SLC13A4: variants seen among roughly 807,000 people sequenced by gnomAD.
SLC13A4 encodes the protein Na(+)/sulfate cotransporter SUT-1.
Under a neutral mutation model 72.7 loss-of-function variants are expected in SLC13A4, and 28 were observed. That is an observed-to-expected ratio of 0.39 (90% CI 0.29 to 0.53). The LOEUF (loss-of-function observed/expected upper bound fraction) is 0.53. Ranked by LOEUF, SLC13A4 falls within the 20% of genes least tolerant of loss-of-function variation. The pLI, the probability that SLC13A4 is intolerant of heterozygous loss-of-function variation, is 0.78. For missense variants in SLC13A4, 653 were observed against 788.0 expected, an observed-to-expected ratio of 0.83 and a Z score of 2.05; for synonymous variants, 312 against 325.5, an observed-to-expected ratio of 0.96 and a Z score of 0.45.
At chr7:135,682,737 C>G (rs1453913652) in intron 15 of SLC13A4, among the ~76,000 whole-genome samples, 1 of 152,226 alleles carries the variant, frequency 6.6e-6, no homozygotes, top group Non-Finnish European at 1.5e-5. Context: ...AGTGCCCAAG[C>G]TGGGAATAGT....
chr7:135,718,010 T>C (rs571447046), intron 2 of SLC13A4, among the ~76,000 whole-genome samples: 389 of 152,006 alleles, frequency 2.6e-3, no homozygotes, highest in Middle Eastern at 0.024. Flanking sequence ...GGTCTCCAGC[T>C]TGCAAGTGGC....
Position 135,727,507 on chromosome 7 carries a change from T to C in SLC13A4, c.-11A>G. The C allele has an allele frequency of 6.5e-7, 1 of 1,548,282 alleles. No individual in the cohort carries two copies. The highest frequency in any genetic ancestry group is 8.7e-7 in the Non-Finnish European group (1 of 1,145,024). ...CTGCAGCAGGCCCATCGCGCCTCTG[T>C]CCTCTCCAGCTCGTCCTTGGACCCC... On this transcript the variant is annotated 5_prime_UTR_variant, in exon 1 of 16. Transcript: ENST00000682651.
rs1796505644 is a variant in SLC13A4 at position 135,719,805 on chromosome 7, G to GTGTGTGTGTGTGTGTGTGTA, written c.228+1589_228+1590insTACACACACACACACACACA. Among the ~76,000 whole-genome samples the GTGTGTGTGTGTGTGTGTGTA allele has an allele frequency of 6.4e-5, 7 of 109,006 alleles. No homozygotes were observed. In the South Asian group the frequency reaches 1.4e-3, roughly 22 times the overall value. The allele number at this position is 109,006 out of a possible 152,430, so 71.5% of individuals were successfully genotyped here. On this transcript the variant is annotated intron_variant, in intron 2 of 15. Coordinates refer to ENST00000682651, the MANE Select transcript of SLC13A4 (RefSeq NM_001318192.2). ...CATGTGTGTGTGTGTGTGTGTGTAT[G>GTGTGTGTGTGTGTGTGTGTA]TGTGTGTGTGTGTGTGTGTGTGTAT...
At chr7:135,702,593 C>G in intron 6 of SLC13A4, 1 of 443,272 alleles carries the variant, frequency 2.3e-6, no homozygotes, top group Non-Finnish European at 4.1e-6. Context: ...CCAGGCTGGT[C>G]TTGAACTCCT....
At chr7:135,707,118 A>G (rs1441038704) in intron 3 of SLC13A4, among the ~76,000 whole-genome samples, 1 of 152,224 alleles carries the variant, frequency 6.6e-6, no homozygotes, top group African/African-American at 2.4e-5. Context: ...GACTTTGCCA[A>G]TTCTGTACCT....
intron 1 of SLC13A4, among the ~76,000 whole-genome samples, chr7:135,727,080 C>T (rs542894656): frequency 1.3e-5 from 2 of 152,350 alleles, no homozygotes; most frequent in East Asian, 3.9e-4. Flanking sequence ...GCATGGGTGT[C>T]GCTGGCCCCC....
chr7:135,718,628 T>C (rs1295284431), intron 2 of SLC13A4, among the ~76,000 whole-genome samples: 1 of 152,130 alleles, frequency 6.6e-6, no homozygotes, highest in Non-Finnish European at 1.5e-5. Flanking sequence ...ACTTTCAGCC[T>C]TTGGTCATTG....
chr7:135,706,867 C>G (rs373392245), intron 3 of SLC13A4, among the ~76,000 whole-genome samples: 10 of 152,306 alleles, frequency 6.6e-5, no homozygotes, highest in African/African-American at 2.4e-4. Flanking sequence ...GTGCACTTTT[C>G]CAGCTGACAT....
rs1795500196 is a variant in SLC13A4 at position 135,681,511 on chromosome 7, T to C, written c.*52A>G. On this transcript the variant is annotated 3_prime_UTR_variant, in exon 16 of 16. Coordinates refer to ENST00000682651, the MANE Select transcript of SLC13A4 (RefSeq NM_001318192.2). ...TGGTTTTCTTTGCCTGTGGTCCAGA[T>C]ACTGCTGGATACTGGCAGCTCCTGT... The C allele has an allele frequency of 6.3e-7, 1 of 1,584,320 alleles. No individual in the cohort carries two copies. Among genetic ancestry groups the C allele is most frequent in the African/African-American group, 1.3e-5 (1 of 74,598 alleles).
At chr7:135,698,577 T>C (rs1391445713) in intron 8 of SLC13A4, among the ~76,000 whole-genome samples, 3 of 145,452 alleles carry the variant, frequency 2.1e-5, no homozygotes, top group Non-Finnish European at 3.0e-5. Flanking sequence ...TCAAGTGATC[T>C]GCCCACCTTG....
At chr7:135,691,179 A>G (rs200011680) in intron 13 of SLC13A4, 22 bp downstream of exon 13, 46 of 1,578,246 alleles carry the variant, frequency 2.9e-5, no homozygotes, top group Non-Finnish European at 3.9e-5. Context: ...AAAACCCCAA[A>G]AAAACAGAAT....
rs1379136865 is a variant in SLC13A4 at position 135,727,631 on chromosome 7, G to A, written c.-135C>T. ...TCCGAGAGTCCTCCTTCGTCTTGGG[G>A]GCAGAACGGGAGGGCAGTTATACCC... On this transcript the variant is annotated 5_prime_UTR_variant, in exon 1 of 16. Coordinates refer to ENST00000682651, the MANE Select transcript of SLC13A4 (RefSeq NM_001318192.2). The A allele has an allele frequency of 1.7e-6, 2 of 1,158,382 alleles. No individual in the cohort carries two copies. Among genetic ancestry groups the A allele is most frequent in the Non-Finnish European group, 2.4e-6 (2 of 845,430 alleles). 71.8% of individuals were successfully genotyped at this position (1,158,382 alleles called of 1,614,324 possible).
At chr7:135,708,279 C>T (rs376925714) in intron 2 of SLC13A4, 29 bp from the exon 3 acceptor site, 234 of 1,613,236 alleles carry the variant, frequency 1.5e-4, no homozygotes, top group Non-Finnish European at 1.9e-4. Flanking sequence ...TGTCAGTCAC[C>T]CTCCCGGACC....
In SLC13A4 at chr7:135,692,419, G is replaced by A; in HGVS notation, c.1127C>T (p.Pro376Leu). The change falls in exon 11 of 16, where the codon CCA (proline) becomes CTA (leucine). Residue 376 changes from proline (P) to leucine (L), a missense_variant. By Grantham distance (98) the Pro-to-Leu change is moderately conservative. Transcript: ENST00000682651. ...EYEKLGDISY[P>L]EMVTGFFFIL... ...GAAGAAAAATCCAGTCACCATTTCTGGGTAGCTATAAAATAAAACAGAAAG... is the reference window on the plus strand; with the variant it reads ...GAAGAAAAATCCAGTCACCATTTCTAGGTAGCTATAAAATAAAACAGAAAG... 6.2e-7 allele frequency: 1 copy of A among 1,608,938 alleles called. No individual in the cohort carries two copies. Among genetic ancestry groups the A allele is most frequent in the Admixed American group, 1.7e-5 (1 of 58,840 alleles).
In SLC13A4 at chr7:135,709,320, C is replaced by CT. The variant is rs371526933; in HGVS notation, c.229-1071dup. ...ATAGTACAAGGAATACCTATACACT[C>CT]TTTTTTTTTTTCCCTGAACCATTTG... On this transcript the variant is annotated intron_variant, in intron 2 of 15. Transcript: ENST00000682651. Among the ~76,000 whole-genome samples the CT allele has an allele frequency of 5.4e-3, 784 of 145,968 alleles. 6 individuals are homozygous for CT. Among genetic ancestry groups the CT allele is most frequent in the South Asian group, 0.031 (142 of 4,600 alleles).
chr7:135,713,802 C>A (rs1000304512), intron 2 of SLC13A4, among the ~76,000 whole-genome samples: 1 of 152,226 alleles, frequency 6.6e-6, no homozygotes, highest in Admixed American at 6.5e-5. Flanking sequence ...GTCTTCAACG[C>A]CTGACCTTGT....
chr7:135,705,724 A>C, intron 4 of SLC13A4, 74 bp from the exon 5 acceptor site: 37 of 1,360,676 alleles, frequency 2.7e-5, no homozygotes, highest in Non-Finnish European at 3.8e-5. Flanking sequence ...AGCATAGCTC[A>C]AGGGCTTAGG....
At position 135,706,227 on chromosome 7, in the gene SLC13A4, C is replaced by A; in HGVS notation, c.439G>T (p.Val147Leu). The A allele has an allele frequency of 6.2e-7, 1 of 1,613,998 alleles. No individual in the cohort carries two copies. The highest frequency in any genetic ancestry group is 1.1e-5 in the South Asian group (1 of 91,076). ...AGCACGGCCTCCACGATGGGCATCA[C>A]CATGGCGGTGGTGGAGGTGTTGGAC... is the stretch of plus-strand genomic sequence containing the variant. Reference protein sequence around the residue: ...WLSNTSTTAMVMPIVEAVLQE... With the variant: ...WLSNTSTTAMLMPIVEAVLQE... The change falls in exon 4 of 16, where the codon GTG becomes TTG. Residue 147 changes from valine to leucine, a missense_variant. Coordinates refer to ENST00000682651, the MANE Select transcript of SLC13A4 (RefSeq NM_001318192.2).
chr7:135,689,595 A>G (rs1795728126), intron 13 of SLC13A4, among the ~76,000 whole-genome samples: 1 of 152,142 alleles, frequency 6.6e-6, no homozygotes, highest in African/African-American at 2.4e-5. Flanking sequence ...GGTCACTACT[A>G]CTTGATTTTT....
Sources: allele counts gnomAD v4.1 joint callset (sites outside exome capture counted in the v4.1 genomes callset), GRCh38; gene constraint gnomAD v4.1.1; transcripts MANE v1.5; gene names NCBI Gene and HGNC (gene_info 2026-07-23, HGNC 2026-07-21).